The following TWSG1 variants were observed in gnomAD, a reference collection of about 807,000 sequenced individuals.
TWSG1 encodes twisted gastrulation protein homolog 1.
Under a neutral mutation model 23.0 loss-of-function variants are expected in TWSG1, and 15 were observed. That is an observed-to-expected ratio of 0.65 (90% CI 0.44 to 1.00). The LOEUF is 1.00. Among genes scored for constraint, TWSG1 ranks in the 50% least tolerant of loss-of-function variants. TWSG1 has a pLI of 0.00. For missense variants in TWSG1, 242 were observed against 278.7 expected (o/e 0.87, Z 0.94); for synonymous variants, 86 against 92.8 (o/e 0.93, Z 0.42).
chr18:9,351,885 A>G (rs1235613469), intron 2 of TWSG1, among the ~76,000 whole-genome samples: 1 of 152,104 alleles, frequency 6.6e-6, no homozygotes, highest in East Asian at 1.9e-4. Context: ...AGCCCAAGCA[A>G]TGCATCCACC....
intron 3 of TWSG1, among the ~76,000 whole-genome samples, chr18:9,392,076 A>G (rs1605474): frequency 0.51 from 77,337 of 152,112 alleles, 20,282 homozygotes; most frequent in African/African-American, 0.63. Flanking sequence ...TTTTTGGAAT[A>G]GTAAATTAGC....
chr18:9,365,965 C>T (rs545241660), intron 3 of TWSG1, among the ~76,000 whole-genome samples: 4 of 151,830 alleles, frequency 2.6e-5, no homozygotes, highest in Non-Finnish European at 5.9e-5. Context: ...ATAATTGCAC[C>T]CCTGCACTCC....
At chr18:9,366,305 G>A (rs919786925) in intron 3 of TWSG1, among the ~76,000 whole-genome samples, 2 of 152,158 alleles carry the variant, frequency 1.3e-5, no homozygotes, top group South Asian at 2.1e-4. Context: ...CCTAGATGTC[G>A]CTGTGGTGAA....
At position 9,396,572 on chromosome 18, in the gene TWSG1, C is replaced by T. The variant is rs184718015; in HGVS notation, c.490+26C>T. ...GTAACTGCCAACAGTTGACTTTTTC[C>T]ATTCCGCCCCCTCATGTGGTCTGTC... On this transcript the variant is annotated intron_variant, in intron 4 of 4. Coordinates refer to ENST00000262120, the MANE Select transcript of TWSG1 (RefSeq NM_020648.6). The T allele has an allele frequency of 1.5e-3, 2,476 of 1,600,704 alleles. 3 individuals carry two copies. The highest frequency in any genetic ancestry group is 2.0e-3 in the Non-Finnish European group (2,354 of 1,176,936).
At chr18:9,373,069 A>G (rs561654790) in intron 3 of TWSG1, among the ~76,000 whole-genome samples, 3 of 152,358 alleles carry the variant, frequency 2.0e-5, no homozygotes, top group South Asian at 4.1e-4. Flanking sequence ...AATGATATAC[A>G]ATGGTAACAC....
chr18:9,340,367 C>CAAAAA (rs775837207), intron 2 of TWSG1, among the ~76,000 whole-genome samples: 828 of 64,502 alleles, frequency 0.013, 1 homozygote, highest in East Asian at 0.017. Flanking sequence ...GACTCCATTT[C>CAAAAA]AAAAAAAAAA....
At chr18:9,389,192 T>A (rs2040699903) in intron 3 of TWSG1, among the ~76,000 whole-genome samples, 1 of 151,804 alleles carries the variant, frequency 6.6e-6, no homozygotes, top group South Asian at 2.1e-4. Flanking sequence ...GTCAGGCTGG[T>A]CTCGAACTCC....
At chr18:9,350,813 G>A (rs1568032202) in intron 2 of TWSG1, among the ~76,000 whole-genome samples, 1 of 152,108 alleles carries the variant, frequency 6.6e-6, no homozygotes, top group Non-Finnish European at 1.5e-5. Context: ...TCTCTCCTGG[G>A]TTTGAAGATT....
In TWSG1 at chr18:9,400,135, A is replaced by G. The variant is rs966658970; in HGVS notation, c.*608A>G. 6.6e-6 allele frequency: 1 copy of G among 152,184 alleles called. No individual in the cohort carries two copies. The highest frequency in any genetic ancestry group is 1.5e-5 in the Non-Finnish European group (1 of 68,028). The allele number at this position is 152,184 out of a possible 1,614,324, so 9.4% of individuals were successfully genotyped here. ...TGAGAACTCTTACATAGTAGAATCC[A>G]TTCTATAATACATGTGTTGACAAAG... is the stretch of plus-strand genomic sequence containing the variant. On this transcript the variant is annotated 3_prime_UTR_variant, in exon 5 of 5. Coordinates refer to ENST00000262120, the MANE Select transcript of TWSG1 (RefSeq NM_020648.6).
rs575549006 is a variant in TWSG1 at position 9,368,731 on chromosome 18, T to A, written c.223+8660T>A. ...GGGAGGCCAAGGAGGGCAGATCACC[T>A]GAGGTCAGGAGTTTGAGACCAGCCT... On this transcript the variant is annotated intron_variant, in intron 3 of 4. Transcript: ENST00000262120. 1.4e-3 allele frequency among the ~76,000 whole-genome samples: 220 copies of A among 152,254 alleles called. 2 individuals are homozygous for A. The highest frequency in any genetic ancestry group is 5.1e-3 in the African/African-American group (212 of 41,558).
In TWSG1 at chr18:9,396,309, A is replaced by C. The variant is rs753243235; in HGVS notation, c.253A>C (p.Thr85Pro). ...GMCNPRNYSD[T>P]PPTSKSTVEE... ...GTGTAATCCTCGAAATTATAGTGAC[A>C]CACCTCCAACTTCAAAGAGCACAGT... Residue 85 changes from threonine to proline, a missense_variant, in exon 4 of 5, where the codon ACA becomes CCA. By Grantham distance (38) the Thr-to-Pro change is conservative (BLOSUM62 -1). Transcript: ENST00000262120. The C allele has an allele frequency of 1.9e-6, 3 of 1,614,068 alleles. No individual in the cohort carries two copies. The highest frequency in any genetic ancestry group is 3.3e-5 in the Admixed American group (2 of 60,000).
intron 4 of TWSG1, among the ~76,000 whole-genome samples, chr18:9,398,711 G>A (rs369311970): frequency 2.6e-5 from 4 of 151,942 alleles, no homozygotes; most frequent in Non-Finnish European, 4.4e-5. Flanking sequence ...CACCTGCCTC[G>A]GCCTCCCAAA....
At chr18:9,390,254 C>G (rs535013327) in intron 3 of TWSG1, among the ~76,000 whole-genome samples, 1 of 152,082 alleles carries the variant, frequency 6.6e-6, no homozygotes, top group African/African-American at 2.4e-5. Context: ...TCCGCCCCTC[C>G]AGGTTCACGC....
At chr18:9,380,856 G>T (rs2040652755) in intron 3 of TWSG1, among the ~76,000 whole-genome samples, 1 of 152,148 alleles carries the variant, frequency 6.6e-6, no homozygotes, top group Non-Finnish European at 1.5e-5. Flanking sequence ...AAAAGATTAA[G>T]GAAAGCTGCC....
chr18:9,350,008 C>T (rs545941206), intron 2 of TWSG1, among the ~76,000 whole-genome samples: 10 of 152,124 alleles, frequency 6.6e-5, no homozygotes, highest in Admixed American at 2.6e-4. Flanking sequence ...AGCATGGTGG[C>T]GTGCACCTGT....
chr18:9,355,042 G>T (rs911601587), intron 2 of TWSG1, among the ~76,000 whole-genome samples: 1 of 151,696 alleles, frequency 6.6e-6, no homozygotes, highest in African/African-American at 2.4e-5. Context: ...TGCATACTCC[G>T]CCTCCCAGGT....
intron 3 of TWSG1, chr18:9,387,974 T>C (rs8097838): frequency 0.51 from 77,344 of 152,088 alleles, 20,287 homozygotes; most frequent in African/African-American, 0.63. Context: ...AGTGTTTTTA[T>C]AGTTCACTTG....
chr18:9,382,265 T>C (rs1416131893), intron 3 of TWSG1, among the ~76,000 whole-genome samples: 1 of 152,120 alleles, frequency 6.6e-6, no homozygotes, highest in Non-Finnish European at 1.5e-5. Context: ...GGCTCACGCC[T>C]GTAATCCTAG....
At chr18:9,340,698 AAGG>A (rs959060037) in intron 2 of TWSG1, among the ~76,000 whole-genome samples, 5 of 152,136 alleles carry the variant, frequency 3.3e-5, no homozygotes, top group African/African-American at 1.2e-4. Flanking sequence ...AGGCGGCTTG[AAGG>A]TGGTGGGGGT....
Sources: gnomAD v4.1 joint callset for allele counts (sites outside exome capture counted in the v4.1 genomes callset) on GRCh38, gnomAD v4.1.1 for gene constraint, MANE v1.5 for transcripts, NCBI Gene and HGNC (gene_info 2026-07-23, HGNC 2026-07-21) for gene names.